The following EMP2 variants were observed in gnomAD, a reference collection of about 807,000 sequenced individuals.
The protein encoded by EMP2 is epithelial membrane protein 2.
EMP2 carries 19 observed loss-of-function variants against 13.7 expected under a neutral mutation model. The observed-to-expected ratio is 1.38, with a 90% confidence interval of 0.97 to 2.03. EMP2 has a LOEUF of 2.03. Ranked by LOEUF, EMP2 falls within the 30% of genes most tolerant of loss-of-function variation. The pLI is 0.00. For synonymous variants in EMP2, 97 were observed against 84.7 expected, an observed-to-expected ratio of 1.15 and a Z score of -0.80; for missense variants, 253 against 220.7, an observed-to-expected ratio of 1.15 and a Z score of -0.93.
At chr16:10,554,966 G>C (rs929882638) in intron 1 of EMP2, among the ~76,000 whole-genome samples, 1 of 152,140 alleles carries the variant, frequency 6.6e-6, no homozygotes, top group Non-Finnish European at 1.5e-5. Context: ...TGGTCTGAAA[G>C]CATCTTATTC....
Position 10,547,524 on chromosome 16 carries a change from A to G in EMP2, c.78+16T>C. 1 of 1,613,680 alleles carries G rather than the reference A, an allele frequency of 6.2e-7. No homozygotes were observed. On this transcript the variant is annotated intron_variant, in intron 2 of 4. Coordinates refer to ENST00000359543, the MANE Select transcript of EMP2 (RefSeq NM_001424.6). Reference sequence around the variant, plus strand: ...GGACCCAGGTTTCTGCGTGAGTGGCAGGAAAGGAAACTTACATTGTCGACG... The same window carrying G: ...GGACCCAGGTTTCTGCGTGAGTGGCGGGAAAGGAAACTTACATTGTCGACG...
At chr16:10,560,862 AC>A (rs2050866552) in intron 1 of EMP2, among the ~76,000 whole-genome samples, 1 of 152,184 alleles carries the variant, frequency 6.6e-6, no homozygotes, top group Admixed American at 6.5e-5. Context: ...CCCAAGATGG[AC>A]CAGGACTCTC....
intron 1 of EMP2, among the ~76,000 whole-genome samples, chr16:10,548,313 G>A (rs1347709990): frequency 6.6e-6 from 1 of 152,118 alleles, no homozygotes; most frequent in African/African-American, 2.4e-5. Context: ...ATTTTCTGAC[G>A]ATTCCTGATC....
At chr16:10,574,361 G>C (rs144272770) in intron 1 of EMP2, among the ~76,000 whole-genome samples, 1 of 151,650 alleles carries the variant, frequency 6.6e-6, no homozygotes, top group Non-Finnish European at 1.5e-5. Context: ...ATAATGCTCC[G>C]TGAGCATCCT....
chr16:10,547,711 G>T, intron 1 of EMP2, 34 bp from the exon 2 acceptor site: 1 of 1,278,836 alleles, frequency 7.8e-7, no homozygotes, highest in Non-Finnish European at 1.1e-6. Flanking sequence ...TTCAAAATCT[G>T]TCAATGACAA....
intron 1 of EMP2, among the ~76,000 whole-genome samples, chr16:10,549,001 T>C (rs1291908492): frequency 2.0e-5 from 3 of 152,228 alleles, no homozygotes; most frequent in African/African-American, 7.2e-5. Flanking sequence ...CAGAACTGCA[T>C]GACATGGCCA....
At chr16:10,535,537 A>G (rs1022407266) in intron 4 of EMP2, among the ~76,000 whole-genome samples, 3 of 152,084 alleles carry the variant, frequency 2.0e-5, no homozygotes, top group Non-Finnish European at 4.4e-5. Flanking sequence ...TGCACAACAT[A>G]GTGAAACCCC....
intron 4 of EMP2, among the ~76,000 whole-genome samples, chr16:10,536,874 G>A (rs1326313239): frequency 6.6e-6 from 1 of 152,162 alleles, no homozygotes; most frequent in Non-Finnish European, 1.5e-5. Context: ...TCCTGCATGG[G>A]CCTCCCAAAG....
chr16:10,562,336 TTC>T (rs540802206), intron 1 of EMP2, among the ~76,000 whole-genome samples: 7,134 of 123,942 alleles, frequency 0.058, 166 homozygotes, highest in Middle Eastern at 0.086. Context: ...CTCATGCATG[TTC>T]TCTCTCTCTC....
At chr16:10,549,674 G>A (rs2050768180) in intron 1 of EMP2, among the ~76,000 whole-genome samples, 1 of 151,762 alleles carries the variant, frequency 6.6e-6, no homozygotes, top group African/African-American at 2.4e-5. Flanking sequence ...TCTGTTCACT[G>A]GGATGAAATT....
Position 10,530,500 on chromosome 16 carries a change from TC to T in EMP2, c.*2404del, listed in dbSNP as rs2050590380. 6.6e-6 allele frequency: 1 copy of T among 152,452 alleles called. No homozygotes were observed. The highest frequency in any genetic ancestry group is 2.1e-4 in the South Asian group (1 of 4,812). 9.4% of individuals were successfully genotyped at this position (152,452 alleles called of 1,614,324 possible). ...AAATAGCACGAGGTCCCACACCCCA[TC>T]CCAGGACAGCCCCCAGCATCCTGCT... On this transcript the variant is annotated 3_prime_UTR_variant, in exon 5 of 5. Transcript: ENST00000359543.
chr16:10,541,440 G>C (rs778166864), intron 3 of EMP2, among the ~76,000 whole-genome samples: 3 of 152,084 alleles, frequency 2.0e-5, no homozygotes, highest in Non-Finnish European at 4.4e-5. Context: ...TTTTAAAAAT[G>C]TAAAAACTGT....
In EMP2 at chr16:10,575,534, G is replaced by A. The variant is rs569047858; in HGVS notation, c.-61+5015C>T. 1.1e-3 allele frequency among the ~76,000 whole-genome samples: 162 copies of A among 151,950 alleles called. 1 individual carries two copies. Among genetic ancestry groups the A allele is most frequent in the African/African-American group, 3.7e-3 (154 of 41,448 alleles). ...CTCCCAAAGTTCTGGGATTACAGGC[G>A]TGAGGAGCTTGCATTCTTGGACTTG... On this transcript the variant is annotated intron_variant, in intron 1 of 4. Transcript: ENST00000359543.
intron 1 of EMP2, among the ~76,000 whole-genome samples, chr16:10,575,024 T>A (rs1434397582): frequency 6.6e-6 from 1 of 152,100 alleles, no homozygotes; most frequent in Non-Finnish European, 1.5e-5. Flanking sequence ...TAGCTGGGAA[T>A]ACAGGTATGT....
intron 1 of EMP2, among the ~76,000 whole-genome samples, chr16:10,565,802 A>G (rs1033323930): frequency 6.6e-6 from 1 of 152,216 alleles, no homozygotes; most frequent in African/African-American, 2.4e-5. Flanking sequence ...GGAATCCCAC[A>G]GTAACATTTC....
At chr16:10,570,274 G>A (rs1018632756) in intron 1 of EMP2, among the ~76,000 whole-genome samples, 2 of 149,800 alleles carry the variant, frequency 1.3e-5, no homozygotes, top group African/African-American at 4.9e-5. Context: ...CACCCAGGCT[G>A]GAGTGCAGTG....
chr16:10,540,523 TAAAC>T (rs535373583), intron 3 of EMP2, among the ~76,000 whole-genome samples: 47 of 151,216 alleles, frequency 3.1e-4, no homozygotes, highest in African/African-American at 7.3e-4. Context: ...AATAAATAAA[TAAAC>T]AAATAAATAA....
Position 10,562,374 on chromosome 16 carries a change from C to A in EMP2, c.-60-14697G>T, listed in dbSNP as rs573949652. ...TCTCTCTCTCTCTCTCTCTCTCTCT[C>A]TCTCTCTATCTATCTCTCTCTCTCT... On this transcript the variant is annotated intron_variant, in intron 1 of 4. Coordinates refer to ENST00000359543, the MANE Select transcript of EMP2 (RefSeq NM_001424.6). 3.9e-3 allele frequency among the ~76,000 whole-genome samples: 561 copies of A among 142,848 alleles called. 2 individuals are homozygous for A. Among genetic ancestry groups the A allele is most frequent in the African/African-American group, 0.012 (466 of 38,532 alleles). The allele number at this position is 142,848 out of a possible 152,430, so 93.7% of individuals were successfully genotyped here.
intron 1 of EMP2, among the ~76,000 whole-genome samples, chr16:10,565,797 C>G (rs2050903404): frequency 6.6e-6 from 1 of 152,184 alleles, no homozygotes; most frequent in African/African-American, 2.4e-5. Context: ...CACTTGGAAT[C>G]CCACAGTAAC....
Sources: allele counts gnomAD v4.1 joint callset (sites outside exome capture counted in the v4.1 genomes callset), GRCh38; gene constraint gnomAD v4.1.1; transcripts MANE v1.5; gene names NCBI Gene and HGNC (gene_info 2026-07-23, HGNC 2026-07-21).